The following TAFA4 variants were observed in gnomAD, a reference collection of about 807,000 sequenced individuals.
TAFA4 encodes the protein TAFA chemokine like family member 4, also known as chemokine-like protein TAFA-4.
Under a neutral mutation model 21.1 loss-of-function variants are expected in TAFA4, and 20 were observed. The observed-to-expected ratio is 0.95, with a 90% confidence interval of 0.67 to 1.38. TAFA4 has a LOEUF of 1.38. Among genes scored for constraint, TAFA4 ranks in the 40% most tolerant of loss-of-function variants. TAFA4 has a pLI of 0.00. For missense variants in TAFA4, 211 were observed against 180.9 expected, an observed-to-expected ratio of 1.17 and a Z score of -0.95; for synonymous variants, 71 against 67.4, an observed-to-expected ratio of 1.05 and a Z score of -0.26.
intron 3 of TAFA4, among the ~76,000 whole-genome samples, chr3:68,804,360 A>T (rs1292331443): frequency 6.6e-6 from 1 of 152,178 alleles, no homozygotes; most frequent in East Asian, 1.9e-4. Context: ...ACATCGTGAA[A>T]ATGGTCATAC....
chr3:68,919,111 T>A (rs1477900092), intron 1 of TAFA4, among the ~76,000 whole-genome samples: 1 of 152,132 alleles, frequency 6.6e-6, no homozygotes, highest in African/African-American at 2.4e-5. Context: ...GAAAAACAAT[T>A]TTTAAAAAAC....
chr3:68,890,489 GAGA>G (rs2089719246), intron 1 of TAFA4, among the ~76,000 whole-genome samples: 1 of 152,182 alleles, frequency 6.6e-6, no homozygotes, highest in African/African-American at 2.4e-5. Context: ...CAAGCCTCCA[GAGA>G]AGGTTTATTT....
chr3:68,820,369 C>T (rs973338713), intron 3 of TAFA4, among the ~76,000 whole-genome samples: 9 of 152,170 alleles, frequency 5.9e-5, no homozygotes, highest in South Asian at 4.1e-4. Context: ...CAGTTAATAA[C>T]GATATATTAC....
intron 1 of TAFA4, among the ~76,000 whole-genome samples, chr3:68,918,692 A>C (rs2090028806): frequency 6.6e-6 from 1 of 152,078 alleles, no homozygotes; most frequent in Non-Finnish European, 1.5e-5. Flanking sequence ...CATGCATCTA[A>C]CCATGCCTGC....
intron 1 of TAFA4, among the ~76,000 whole-genome samples, chr3:68,895,845 TGA>T (rs944402839): frequency 2.6e-5 from 4 of 152,180 alleles, no homozygotes; most frequent in African/African-American, 9.7e-5. Flanking sequence ...AACTGTGGAC[TGA>T]GAGAAGCATT....
chr3:68,931,345 G>A (rs554754882), intron 1 of TAFA4, among the ~76,000 whole-genome samples: 1 of 152,162 alleles, frequency 6.6e-6, no homozygotes. Flanking sequence ...ACCCGTGCAT[G>A]TACATACTGC....
At chr3:68,854,541 C>T (rs1705023643) in intron 3 of TAFA4, among the ~76,000 whole-genome samples, 1 of 152,062 alleles carries the variant, frequency 6.6e-6, no homozygotes, top group African/African-American at 2.4e-5. Flanking sequence ...GGGCAAGCAC[C>T]AAGTCTTAGG....
In TAFA4 at chr3:68,885,087, G is replaced by C. The variant is rs1327845417; in HGVS notation, c.14+88C>G. 3.9e-6 allele frequency: 5 copies of C among 1,290,430 alleles called. No homozygotes were observed. In the African/African-American group the frequency reaches 4.5e-5, roughly 12 times the overall value. 79.9% of individuals were successfully genotyped at this position (1,290,430 alleles called of 1,614,324 possible). ...AGTGTAAAAGCAGGCTTCTAAAACG[G>C]ATCATCAACTCCAGGATACTCACTT... On this transcript the variant is annotated intron_variant, in intron 2 of 5. Transcript: ENST00000295569.
At chr3:68,888,279 C>A (rs2089694348) in intron 1 of TAFA4, among the ~76,000 whole-genome samples, 1 of 152,056 alleles carries the variant, frequency 6.6e-6, no homozygotes, top group Non-Finnish European at 1.5e-5. Flanking sequence ...CTCATTTCTG[C>A]TTGAGACTTC....
At chr3:68,923,481 C>T (rs1021487059) in intron 1 of TAFA4, among the ~76,000 whole-genome samples, 2 of 152,130 alleles carry the variant, frequency 1.3e-5, no homozygotes, top group African/African-American at 2.4e-5. Context: ...CATATTGTCT[C>T]AACCCACCTC....
At chr3:68,768,184 G>A (rs1702891334) in intron 3 of TAFA4, among the ~76,000 whole-genome samples, 2 of 152,108 alleles carry the variant, frequency 1.3e-5, no homozygotes, top group African/African-American at 4.8e-5. Context: ...ACCGCAGAAT[G>A]GGAGAAAATA....
At chr3:68,806,063 G>A (rs1249597907) in intron 3 of TAFA4, among the ~76,000 whole-genome samples, 1 of 151,906 alleles carries the variant, frequency 6.6e-6, no homozygotes, top group African/African-American at 2.4e-5. Context: ...AGTACAAAAG[G>A]TGGGTCTTGA....
chr3:68,866,852 T>C (rs1253405236), intron 3 of TAFA4, among the ~76,000 whole-genome samples: 1 of 151,700 alleles, frequency 6.6e-6, no homozygotes, highest in Admixed American at 6.6e-5. Context: ...AAAAGCAGGC[T>C]GTTTGAAAAT....
At chr3:68,747,025 C>T (rs1702471973) in intron 4 of TAFA4, among the ~76,000 whole-genome samples, 1 of 152,170 alleles carries the variant, frequency 6.6e-6, no homozygotes, top group South Asian at 2.1e-4. Context: ...CCCAAGGGGG[C>T]AAAATCGCCC....
At chr3:68,807,942 G>T (rs75849550) in intron 3 of TAFA4, among the ~76,000 whole-genome samples, 5,230 of 152,280 alleles carry the variant, frequency 0.034, 273 homozygotes, top group East Asian at 0.24. Context: ...TTGAGCTACA[G>T]ATTATTGTAT....
chr3:68,883,849 C>A (rs2089643383), intron 2 of TAFA4, among the ~76,000 whole-genome samples: 1 of 152,038 alleles, frequency 6.6e-6, no homozygotes, highest in African/African-American at 2.4e-5. Flanking sequence ...GGAAGGAACG[C>A]TTGAGGCCAG....
intron 1 of TAFA4, among the ~76,000 whole-genome samples, chr3:68,925,472 C>T (rs12630972): frequency 6.6e-6 from 1 of 152,110 alleles, no homozygotes; most frequent in Non-Finnish European, 1.5e-5. Context: ...TTTGGATGGC[C>T]TTAATTAAAC....
At chr3:68,894,158 C>CT (rs79469344) in intron 1 of TAFA4, among the ~76,000 whole-genome samples, 4,601 of 137,144 alleles carry the variant, frequency 0.034, 245 homozygotes, top group African/African-American at 0.11. Flanking sequence ...TTACTTGTTA[C>CT]TTTTTTTTTT....
intron 1 of TAFA4, among the ~76,000 whole-genome samples, chr3:68,885,960 C>T (rs1314997644): frequency 6.6e-6 from 1 of 152,110 alleles, no homozygotes; most frequent in African/African-American, 2.4e-5. Flanking sequence ...ACTCAGATGA[C>T]CCTAAAGCAA....
Sources: allele counts gnomAD v4.1 joint callset (sites outside exome capture counted in the v4.1 genomes callset), GRCh38; gene constraint gnomAD v4.1.1; transcripts MANE v1.5; gene names NCBI Gene and HGNC (gene_info 2026-07-23, HGNC 2026-07-21).